Variants in AMPH observed in about 807,000 individuals in gnomAD.
AMPH encodes amphiphysin (Stiff-Mann syndrome with breast cancer 128kD autoantigen).
In AMPH, 49 loss-of-function variants were observed where a neutral mutation model predicts 99.1. The ratio of observed to expected loss-of-function variants is 0.49; its 90% CI spans 0.39 to 0.63. The LOEUF (loss-of-function observed/expected upper bound fraction) is 0.63. AMPH is among the 20% of genes least tolerant of loss of function. The probability of loss-of-function intolerance (pLI) is 0.00; values close to 1 mark genes in which losing one functional copy is unlikely to be tolerated. For missense variants in AMPH, 759 were observed against 863.4 expected, an observed-to-expected ratio of 0.88 and a Z score of 1.52; for synonymous variants, 314 against 317.3, an observed-to-expected ratio of 0.99 and a Z score of 0.11.
intron 17 of AMPH, among the ~76,000 whole-genome samples, chr7:38,405,440 G>T (rs1784956866): frequency 1.3e-5 from 2 of 152,004 alleles, no homozygotes; most frequent in African/African-American, 4.8e-5. Context: ...CCAACCATCT[G>T]CTGCATACAA....
intron 11 of AMPH, among the ~76,000 whole-genome samples, chr7:38,445,252 C>A (rs1786728606): frequency 6.6e-6 from 1 of 151,678 alleles, no homozygotes; most frequent in South Asian, 2.1e-4. Flanking sequence ...ACACTTTGTA[C>A]CACATAAAAA....
intron 1 of AMPH, among the ~76,000 whole-genome samples, chr7:38,620,478 G>C (rs1274985822): frequency 6.6e-6 from 1 of 150,550 alleles, no homozygotes; most frequent in Non-Finnish European, 1.5e-5. Context: ...CCTAGGCAGT[G>C]CTGCCATAAG....
chr7:38,385,285 G>A (rs1489400710), intron 20 of AMPH, among the ~76,000 whole-genome samples: 1 of 152,152 alleles, frequency 6.6e-6, no homozygotes, highest in Non-Finnish European at 1.5e-5. Context: ...TGCAAAGACA[G>A]GAATACCATG....
intron 2 of AMPH, among the ~76,000 whole-genome samples, chr7:38,506,673 T>C (rs1351240430): frequency 3.3e-5 from 5 of 152,174 alleles, no homozygotes; most frequent in African/African-American, 9.7e-5. Flanking sequence ...CTAGGGCACA[T>C]ACATCCACAA....
intron 11 of AMPH, among the ~76,000 whole-genome samples, chr7:38,451,399 C>CATGTATACAT (rs1787028886): frequency 3.0e-5 from 4 of 134,788 alleles, no homozygotes; most frequent in Admixed American, 1.5e-4. Flanking sequence ...TATACATATA[C>CATGTATACAT]GTGTGTATAT....
chr7:38,566,550 A>G (rs564039232), intron 1 of AMPH, among the ~76,000 whole-genome samples: 46 of 152,332 alleles, frequency 3.0e-4, no homozygotes, highest in Middle Eastern at 3.4e-3. Flanking sequence ...GACAAATGGG[A>G]TCTAATTAAA....
chr7:38,439,563 C>T (rs1478722733), intron 11 of AMPH, among the ~76,000 whole-genome samples: 1 of 152,178 alleles, frequency 6.6e-6, no homozygotes, highest in African/African-American at 2.4e-5. Flanking sequence ...TGTAATTTTC[C>T]TTAACAAGAC....
At chr7:38,388,817 A>AT (rs1784415201) in intron 20 of AMPH, among the ~76,000 whole-genome samples, 3 of 151,648 alleles carry the variant, frequency 2.0e-5, no homozygotes, top group African/African-American at 7.3e-5. Flanking sequence ...TTAAAAAAAA[A>AT]ATTTTTTGTA....
intron 1 of AMPH, among the ~76,000 whole-genome samples, chr7:38,560,951 C>T (rs1174626375): frequency 2.6e-5 from 4 of 152,214 alleles, no homozygotes; most frequent in Non-Finnish European, 5.9e-5. Context: ...TACTTGTTCT[C>T]TCAAACTTGG....
At position 38,571,269 on chromosome 7, in the gene AMPH, A is replaced by ATATATATT. The variant is rs1562835132; in HGVS notation, c.70-36259_70-36258insAATATATA. Among the ~76,000 whole-genome samples, 6 of 40,702 alleles carry ATATATATT rather than the reference A, an allele frequency of 1.5e-4. 1 individual carries two copies. In the Middle Eastern group the frequency reaches 0.071, roughly 485 times the overall value. 26.7% of individuals were successfully genotyped at this position (40,702 alleles called of 152,430 possible). ...ATAAATATATATTAAATATATATTT[A>ATATATATT]TATATATATTTTTATATATATTTAT... On this transcript the variant is annotated intron_variant, in intron 1 of 20. Transcript: ENST00000356264.
At chr7:38,499,180 G>T (rs758251842) in intron 3 of AMPH, among the ~76,000 whole-genome samples, 29 of 152,184 alleles carry the variant, frequency 1.9e-4, no homozygotes, top group Middle Eastern at 3.4e-3. Context: ...TGCCTATCTG[G>T]CCTTTTTATT....
intron 1 of AMPH, among the ~76,000 whole-genome samples, chr7:38,600,122 T>A (rs141213949): frequency 6.6e-6 from 1 of 152,128 alleles, no homozygotes; most frequent in Non-Finnish European, 1.5e-5. Flanking sequence ...TGTGATAGTT[T>A]AAAAAAATAA....
intron 1 of AMPH, among the ~76,000 whole-genome samples, chr7:38,576,026 T>G (rs992685038): frequency 6.6e-6 from 1 of 152,192 alleles, no homozygotes. Flanking sequence ...GAATTCTAAG[T>G]TGGCAAACAT....
At chr7:38,570,927 T>TTATATATATATATA (rs142367196) in intron 1 of AMPH, among the ~76,000 whole-genome samples, 1 of 20,056 alleles carries the variant, frequency 5.0e-5, no homozygotes, top group Non-Finnish European at 1.2e-4. Context: ...ACAAAAAAAT[T>TTATATATATATATA]TATATATATA....
At chr7:38,531,179 G>A (rs1305404389) in intron 2 of AMPH, 1 of 152,200 alleles carries the variant, frequency 6.6e-6, no homozygotes, top group East Asian at 1.9e-4. Flanking sequence ...AGGCAACCTC[G>A]TGGTTCCCCG....
intron 1 of AMPH, among the ~76,000 whole-genome samples, chr7:38,574,399 G>C (rs1792156617): frequency 6.6e-6 from 1 of 152,158 alleles, no homozygotes; most frequent in African/African-American, 2.4e-5. Context: ...CAAACAGCAG[G>C]ATCCTCAAGA....
intron 7 of AMPH, among the ~76,000 whole-genome samples, chr7:38,470,346 A>G (rs1211966825): frequency 1.3e-5 from 2 of 152,120 alleles, no homozygotes; most frequent in East Asian, 1.9e-4. Context: ...GGAGTCTCCA[A>G]TGCCTATAAT....
In AMPH at chr7:38,494,463, A is replaced by G. The variant is rs887946972; in HGVS notation, c.270T>C (p.Tyr90=). Reference sequence around the variant, plus strand: ...CAACCATTTTCACATCTTCCCGCCCATACCAGTCAGGCTCATAGACTTCAT... The same window carrying G: ...CAACCATTTTCACATCTTCCCGCCCGTACCAGTCAGGCTCATAGACTTCAT... ...SLHEVYEPDW[Y]GREDVKMVGE... The change falls in exon 4 of 21, where the codon TAT becomes TAC. Residue 90 remains tyrosine (Y), a synonymous_variant. Transcript: ENST00000356264. 1 of 1,613,904 alleles carries G rather than the reference A, an allele frequency of 6.2e-7. No individual in the cohort carries two copies. The highest frequency in any genetic ancestry group is 1.3e-5 in the African/African-American group (1 of 75,034).
At chr7:38,406,713 C>CCTCTCTCCCTCTCTCT (rs1562732244) in intron 17 of AMPH, among the ~76,000 whole-genome samples, 26 of 111,050 alleles carry the variant, frequency 2.3e-4, no homozygotes, top group Non-Finnish European at 3.9e-4. Context: ...TCTCTCCTCT[C>CCTCTCTCCCTCTCTCT]CTCTCTCTCT....
Sources: gnomAD v4.1 joint callset for allele counts (sites outside exome capture counted in the v4.1 genomes callset) on GRCh38, gnomAD v4.1.1 for gene constraint, MANE v1.5 for transcripts, NCBI Gene and HGNC (gene_info 2026-07-23, HGNC 2026-07-21) for gene names.